POU2AF1: variants seen among roughly 807,000 people sequenced by gnomAD.
POU2AF1 encodes the protein POU class 2 homeobox associating factor 1.
POU2AF1 carries 12 observed loss-of-function variants against 26.3 expected under a neutral mutation model. The ratio of observed to expected loss-of-function variants is 0.46; its 90% CI spans 0.29 to 0.74. POU2AF1 has a LOEUF of 0.74. POU2AF1 is among the 30% of genes least tolerant of loss of function. The probability of loss-of-function intolerance (pLI) is 0.09; values close to 1 mark genes in which losing one functional copy is unlikely to be tolerated. For synonymous variants in POU2AF1, 175 were observed against 148.0 expected, an observed-to-expected ratio of 1.18 and a Z score of -1.32; for missense variants, 297 against 334.5, an observed-to-expected ratio of 0.89 and a Z score of 0.87.
chr11:111,361,438 C>T (rs1031895681), intron 1 of POU2AF1, among the ~76,000 whole-genome samples: 1 of 152,196 alleles, frequency 6.6e-6, no homozygotes, highest in Non-Finnish European at 1.5e-5. Context: ...TATTTAATGT[C>T]TCTGGGCTTC....
At position 111,352,340 on chromosome 11, in the gene POU2AF1, T is replaced by C; in HGVS notation, c.*1921A>G. The C allele has an allele frequency of 5.5e-6, 1 of 182,946 alleles. No individual in the cohort carries two copies. The highest frequency in any genetic ancestry group is 2.0e-4 in the South Asian group (1 of 5,070). 11.3% of individuals were successfully genotyped at this position (182,946 alleles called of 1,614,324 possible). The stretch of plus-strand genomic sequence containing the variant: ...CCAGAAAAGTCATTTCCCAGAAAAG[T>C]CCATGACTTCTACATGGATTCTACC... On this transcript the variant is annotated 3_prime_UTR_variant, in exon 5 of 5. Coordinates refer to ENST00000393067, the MANE Select transcript of POU2AF1 (RefSeq NM_006235.3).
At chr11:111,370,868 C>T (rs965359467) in intron 1 of POU2AF1, among the ~76,000 whole-genome samples, 15 of 152,214 alleles carry the variant, frequency 9.9e-5, no homozygotes, top group African/African-American at 3.6e-4. Context: ...ATCATCCCCA[C>T]CTTCTGCTGA....
At chr11:111,376,186 T>C (rs1032428287) in intron 1 of POU2AF1, among the ~76,000 whole-genome samples, 2 of 152,244 alleles carry the variant, frequency 1.3e-5, no homozygotes, top group African/African-American at 2.4e-5. Flanking sequence ...CTACATTCTC[T>C]ACTTTAATTC....
At chr11:111,359,801 G>A (rs1368716518) in intron 1 of POU2AF1, among the ~76,000 whole-genome samples, 1 of 152,148 alleles carries the variant, frequency 6.6e-6, no homozygotes, top group Non-Finnish European at 1.5e-5. Context: ...TCTTCCCAGT[G>A]GCATGCCCAT....
chr11:111,358,335 C>CAG lies in POU2AF1; in HGVS notation c.147+452_147+453insCT, dbSNP rs1459365948. Among the ~76,000 whole-genome samples, 3 of 56,524 alleles carry CAG rather than the reference C, an allele frequency of 5.3e-5. No homozygotes were observed. In the Admixed American group the frequency reaches 6.8e-4, roughly 13 times the overall value. The allele number at this position is 56,524 out of a possible 152,430, so 37.1% of individuals were successfully genotyped here. ...TCTCACACACGTACTCTCTCACACA[C>CAG]TCTCACACTCTCACACTCACACTCT... is the stretch of plus-strand genomic sequence containing the variant. On this transcript the variant is annotated intron_variant, in intron 2 of 4. Coordinates refer to ENST00000393067, the MANE Select transcript of POU2AF1 (RefSeq NM_006235.3).
At position 111,354,501 on chromosome 11, in the gene POU2AF1, G is replaced by T; in HGVS notation, c.531C>A (p.Phe177Leu). 1 of 1,595,614 alleles carries T rather than the reference G, an allele frequency of 6.3e-7. No homozygotes were observed. Among genetic ancestry groups the T allele is most frequent in the Non-Finnish European group, 8.5e-7 (1 of 1,172,970 alleles). Residue 177 changes from phenylalanine (F) to leucine (L), a missense_variant, in exon 5 of 5, where the codon TTC (phenylalanine) becomes TTA (leucine). By Grantham distance (22) the Phe-to-Leu change is conservative. Transcript: ENST00000393067. ...GPEHQAPLTY[F>L]PWPQPLSTLP... is the part of the protein sequence containing the mutation. The stretch of plus-strand genomic sequence containing the variant: ...GTGTGGAAAGGGGCTGAGGCCACGG[G>T]AAATAGGTGAGGGGTGCCTGGTGCT...
chr11:111,379,275 T>C lies in POU2AF1; in HGVS notation c.-98A>G. 1 of 1,487,668 alleles carries C rather than the reference T, an allele frequency of 6.7e-7. No individual in the cohort carries two copies. Among genetic ancestry groups the C allele is most frequent in the Non-Finnish European group, 9.4e-7 (1 of 1,065,070 alleles). The allele number at this position is 1,487,668 out of a possible 1,614,324, so 92.2% of individuals were successfully genotyped here. A position where few individuals can be genotyped will look rare whatever the true frequency, so the allele number is the denominator to read the frequency against. On this transcript the variant is annotated 5_prime_UTR_variant, in exon 1 of 5. Coordinates refer to ENST00000393067, the MANE Select transcript of POU2AF1 (RefSeq NM_006235.3). ...GTTTTCCTCCAGTGGAGCCACCGCT[T>C]GAGCTGAGGCTGTTTCCTGGGCTTT... is the stretch of plus-strand genomic sequence containing the variant.
chr11:111,365,919 C>T (rs777099764), intron 1 of POU2AF1, among the ~76,000 whole-genome samples: 7 of 152,012 alleles, frequency 4.6e-5, no homozygotes, highest in Non-Finnish European at 8.8e-5. Flanking sequence ...GTACTTGTGG[C>T]CCAAGGACTT....
intron 1 of POU2AF1, chr11:111,363,748 A>G: frequency 3.4e-6 from 3 of 887,696 alleles, no homozygotes; most frequent in Non-Finnish European, 4.0e-6. Context: ...AATTTCCCAC[A>G]GTAGAGTTCT....
At chr11:111,360,683 G>T (rs958826128) in intron 1 of POU2AF1, among the ~76,000 whole-genome samples, 5 of 152,182 alleles carry the variant, frequency 3.3e-5, no homozygotes, top group African/African-American at 1.2e-4. Flanking sequence ...CTAGGAATCT[G>T]TATGTATAAA....
intron 1 of POU2AF1, among the ~76,000 whole-genome samples, chr11:111,361,062 T>G (rs894246345): frequency 6.6e-6 from 1 of 152,182 alleles, no homozygotes; most frequent in African/African-American, 2.4e-5. Context: ...AGGAGATTCA[T>G]TATCCTTATT....
chr11:111,358,111 C>T lies in POU2AF1; in HGVS notation c.148-274G>A, dbSNP rs1860889517. On this transcript the variant is annotated intron_variant, in intron 2 of 4. Coordinates refer to ENST00000393067, the MANE Select transcript of POU2AF1 (RefSeq NM_006235.3). ...CACACCAGGGTATGCAAGTCATTCG[C>T]TCACTCAGGCCTTGACAGTAGCTGT... 1.3e-5 allele frequency among the ~76,000 whole-genome samples: 2 copies of T among 152,234 alleles called. 1 individual carries two copies.
chr11:111,372,029 TACACACACACACAC>T (rs374971894), intron 1 of POU2AF1, among the ~76,000 whole-genome samples: 1,268 of 121,100 alleles, frequency 0.01, 30 homozygotes, highest in African/African-American at 0.035. Flanking sequence ...CACACACAAA[TACACACACACACAC>T]ACACACACAC....
chr11:111,370,290 G>C (rs1048008547), intron 1 of POU2AF1, among the ~76,000 whole-genome samples: 3 of 152,160 alleles, frequency 2.0e-5, no homozygotes, highest in Non-Finnish European at 4.4e-5. Context: ...TATCAAGCCT[G>C]AGAAAGAAGT....
intron 1 of POU2AF1, among the ~76,000 whole-genome samples, chr11:111,378,870 C>T (rs1004912810): frequency 6.6e-6 from 1 of 152,226 alleles, no homozygotes; most frequent in Non-Finnish European, 1.5e-5. Context: ...GCCCTTTCTT[C>T]ACCACAGTGA....
Position 111,354,147 on chromosome 11 carries a change from G to T in POU2AF1, c.*114C>A. ...TACAGGTCTACAATTCTAGCTGTGCGTAGAAAGTGTAGTCATGAAATGACT... is the reference window on the plus strand; with the variant it reads ...TACAGGTCTACAATTCTAGCTGTGCTTAGAAAGTGTAGTCATGAAATGACT... On this transcript the variant is annotated 3_prime_UTR_variant, in exon 5 of 5. Transcript: ENST00000393067. The T allele has an allele frequency of 1.7e-6, 2 of 1,152,886 alleles. No homozygotes were observed. Among genetic ancestry groups the T allele is most frequent in the Non-Finnish European group, 2.5e-6 (2 of 809,848 alleles). The allele number at this position is 1,152,886 out of a possible 1,614,324, so 71.4% of individuals were successfully genotyped here. A position where few individuals can be genotyped will look rare whatever the true frequency, so the allele number is the denominator to read the frequency against.
chr11:111,370,979 G>C (rs1861199158), intron 1 of POU2AF1, among the ~76,000 whole-genome samples: 2 of 152,172 alleles, frequency 1.3e-5, no homozygotes, highest in African/African-American at 4.8e-5. Flanking sequence ...ATGAATAGAT[G>C]GTTGATTTTC....
intron 1 of POU2AF1, among the ~76,000 whole-genome samples, chr11:111,372,053 C>CAGAGAGAGAG (rs1452632987): frequency 8.6e-5 from 11 of 128,166 alleles, no homozygotes; most frequent in African/African-American, 2.4e-4. Context: ...CACACACACA[C>CAGAGAGAGAG]ACACACACAC....
chr11:111,361,003 G>C (rs1358433562), intron 1 of POU2AF1, among the ~76,000 whole-genome samples: 1 of 151,566 alleles, frequency 6.6e-6, no homozygotes, highest in East Asian at 1.9e-4. Flanking sequence ...TACAACTGCT[G>C]ATAATCCATT....
Sources: allele counts gnomAD v4.1 joint callset (sites outside exome capture counted in the v4.1 genomes callset), GRCh38; gene constraint gnomAD v4.1.1; transcripts MANE v1.5; gene names NCBI Gene and HGNC (gene_info 2026-07-23, HGNC 2026-07-21).